Variants in TEX15 observed in about 807,000 individuals in gnomAD.
TEX15 encodes testis-expressed protein 15.
A neutral mutation model predicts 237.3 loss-of-function variants in TEX15; 171 were observed. The observed-to-expected ratio is 0.72, with a 90% CI of 0.64 to 0.82. TEX15 has a LOEUF of 0.82. TEX15 is among the 40% of genes least tolerant of loss of function. The pLI is 0.00. For missense variants in TEX15, 3,750 were observed against 3,646.5 expected (o/e 1.03, Z -0.73); for synonymous variants, 1,338 against 1,269.8 (o/e 1.05, Z -1.14).
In TEX15 at chr8:30,848,173, T is replaced by A. The variant is rs1413842062; in HGVS notation, c.1994A>T (p.Glu665Val). The change falls in exon 8 of 11, where the codon GAA becomes GTA. Residue 665 changes from glutamate to valine, a missense_variant. Glu to Val is a moderately radical substitution (Grantham distance 121, BLOSUM62 -2). Coordinates refer to ENST00000643185, the MANE Select transcript of TEX15 (RefSeq NM_001350162.2). The stretch of plus-strand genomic sequence containing the variant: ...ATTATGACTCTCACTCTCTTTGTAT[T>A]CTTGGTGCAAAACAATGTAATTATC... The part of the protein sequence containing the change: ...PIDNYIVLHQ[E>V]YKESESHNSF... The A allele has an allele frequency of 6.2e-7, 1 of 1,611,330 alleles. No individual in the cohort carries two copies. Among genetic ancestry groups the A allele is most frequent in the East Asian group, 2.2e-5 (1 of 44,842 alleles).
chr8:30,908,387 A>G (rs928189650), intron 1 of TEX15, among the ~76,000 whole-genome samples: 3 of 152,170 alleles, frequency 2.0e-5, no homozygotes, highest in Non-Finnish European at 4.4e-5. Context: ...TTGCTCTATT[A>G]TATTAATGGC....
chr8:30,842,304 A>T lies in TEX15; in HGVS notation c.7863T>A (p.His2621Gln). Residue 2621 changes from histidine (H) to glutamine (Q), a missense_variant, in exon 8 of 11, where the codon CAT becomes CAA. By Grantham distance (24) the His-to-Gln change is conservative. Transcript: ENST00000643185. The stretch of plus-strand genomic sequence containing the variant: ...CATTTTTAGTACATATCATCTTCAT[A>T]TGTTCAATCGTTTTCATGACTTTCC... ...HIRKVMKTIE[H>Q]MKMICTKNAE... The T allele has an allele frequency of 1.2e-6, 2 of 1,613,792 alleles. No individual in the cohort carries two copies. The highest frequency in any genetic ancestry group is 1.7e-6 in the Non-Finnish European group (2 of 1,179,856).
Position 30,842,000 on chromosome 8 carries a change from A to T in TEX15, c.8163+4T>A, listed in dbSNP as rs759400038. ...ATAAAAGTTTTGTTTTAAAACATACATACCTTTAGCTTTTTACAACTGGAA... is the reference window on the plus strand; with the variant it reads ...ATAAAAGTTTTGTTTTAAAACATACTTACCTTTAGCTTTTTACAACTGGAA... On this transcript the variant is annotated splice_donor_region_variant and intron_variant, in intron 8 of 10. Transcript: ENST00000643185. 1 of 1,560,236 alleles carries T rather than the reference A, an allele frequency of 6.4e-7. No individual in the cohort carries two copies. The highest frequency in any genetic ancestry group is 8.6e-7 in the Non-Finnish European group (1 of 1,157,920).
intron 4 of TEX15, among the ~76,000 whole-genome samples, chr8:30,871,950 A>G (rs905928997): frequency 2.0e-5 from 3 of 152,160 alleles, no homozygotes; most frequent in Non-Finnish European, 2.9e-5. Flanking sequence ...AATGCTAACA[A>G]TTGTCAGTAT....
chr8:30,855,819 A>T (rs1401041654), intron 7 of TEX15, among the ~76,000 whole-genome samples: 1 of 152,190 alleles, frequency 6.6e-6, no homozygotes, highest in Non-Finnish European at 1.5e-5. Flanking sequence ...AAGTGAAAGA[A>T]ATCAGGCGCA....
chr8:30,834,649 G>C (rs1171796246), intron 10 of TEX15, among the ~76,000 whole-genome samples: 1 of 152,196 alleles, frequency 6.6e-6, no homozygotes, highest in Non-Finnish European at 1.5e-5. Flanking sequence ...AGAAGTACGA[G>C]AGAGATTGTT....
In TEX15 at chr8:30,846,654, T is replaced by C. The variant is rs573231812; in HGVS notation, c.3513A>G (p.Thr1171=). 1.9e-6 allele frequency: 3 copies of C among 1,613,926 alleles called. No homozygotes were observed. The Admixed American group carries it at 5.0e-5, about 27-fold the overall frequency. ...TNIFRPGFSP[T]ADSLALKDSF... ...TATCTTTCAATGCAAGGGAGTCAGCTGTCGGGCTGAATCCTGGCCTAAATA... is the reference window on the plus strand; with the variant it reads ...TATCTTTCAATGCAAGGGAGTCAGCCGTCGGGCTGAATCCTGGCCTAAATA... Residue 1171 remains threonine (T), a synonymous_variant, in exon 8 of 11, where the codon ACA becomes ACG. Transcript: ENST00000643185.
chr8:30,870,206 C>T (rs1808263582), intron 4 of TEX15, among the ~76,000 whole-genome samples: 1 of 151,810 alleles, frequency 6.6e-6, no homozygotes, highest in Non-Finnish European at 1.5e-5. Flanking sequence ...GATGAGAAAA[C>T]TCATATAATA....
At chr8:30,911,910 C>T (rs953280271) in intron 1 of TEX15, among the ~76,000 whole-genome samples, 16 of 152,190 alleles carry the variant, frequency 1.1e-4, no homozygotes, top group African/African-American at 3.9e-4. Flanking sequence ...TCTTCCTGCA[C>T]CCGCACCACG....
Position 30,846,857 on chromosome 8 carries a change from C to T in TEX15, c.3310G>A (p.Gly1104Ser). ...KALKSRISWEGLLALDNGEME... is the reference protein window; with the variant it reads ...KALKSRISWESLLALDNGEME... Reference sequence around the variant, plus strand: ...TCCCCGTTATCAAGTGCTAACAGACCTTCCCAACTGATACGAGACTTCAGA... The same window carrying T: ...TCCCCGTTATCAAGTGCTAACAGACTTTCCCAACTGATACGAGACTTCAGA... Residue 1104 changes from glycine to serine, a missense_variant, in exon 8 of 11, where the codon GGT (glycine) becomes AGT (serine). By Grantham distance (56) the Gly-to-Ser change is moderately conservative. Coordinates refer to ENST00000643185, the MANE Select transcript of TEX15 (RefSeq NM_001350162.2). 1.2e-6 allele frequency: 2 copies of T among 1,613,840 alleles called. No homozygotes were observed. The highest frequency in any genetic ancestry group is 2.2e-5 in the East Asian group (1 of 44,878).
intron 7 of TEX15, among the ~76,000 whole-genome samples, chr8:30,852,825 T>C (rs1181642216): frequency 2.6e-5 from 4 of 152,250 alleles, no homozygotes; most frequent in Non-Finnish European, 5.9e-5. Flanking sequence ...ATTAGTACCA[T>C]ATATTCAGTG....
At position 30,912,932 on chromosome 8, in the gene TEX15, A is replaced by G. The variant is rs1386205695; in HGVS notation, c.-139T>C. 1 of 152,390 alleles carries G rather than the reference A, an allele frequency of 6.6e-6. No homozygotes were observed. The highest frequency in any genetic ancestry group is 1.5e-5 in the Non-Finnish European group (1 of 68,198). The allele number at this position is 152,390 out of a possible 1,614,324, so 9.4% of individuals were successfully genotyped here. On this transcript the variant is annotated 5_prime_UTR_variant, in exon 1 of 11. Transcript: ENST00000643185. ...TCCTCAGACTCAATCTTAGCACGGT[A>G]CAGACCTTCGCCCACTGCCTTCCCT...
At position 30,842,831 on chromosome 8, in the gene TEX15, T is replaced by C. The variant is rs748667286; in HGVS notation, c.7336A>G (p.Ile2446Val). ...ILKPEAIEMY[I>V]EIVMVSETIH... ...GTTTCTGAGACCATGACGATTTCAA[T>C]ATACATTTCAATAGCTTCAGGCTTT... Residue 2446 changes from isoleucine to valine, a missense_variant, in exon 8 of 11, where the codon ATT (isoleucine) becomes GTT (valine). Physicochemically the swap from Ile to Val is conservative, Grantham distance 29. Coordinates refer to ENST00000643185, the MANE Select transcript of TEX15 (RefSeq NM_001350162.2). 3.1e-6 allele frequency: 5 copies of C among 1,613,084 alleles called. No individual in the cohort carries two copies. In the South Asian group the frequency reaches 3.3e-5, roughly 11 times the overall value.
rs185786946 is a variant in TEX15, at chr8:30,835,111, T to C, written c.9481+1692A>G. Among the ~76,000 whole-genome samples, 1,439 of 151,826 alleles carry C rather than the reference T, an allele frequency of 9.5e-3. 24 individuals carry two copies. Among genetic ancestry groups the C allele is most frequent in the African/African-American group, 0.033 (1,361 of 41,262 alleles). Reference sequence around the variant, plus strand: ...CAGTAAGACCTCCTCTCTACTAATATATATATATTTTTTGGGACTGGGTCT... The same window carrying C: ...CAGTAAGACCTCCTCTCTACTAATACATATATATTTTTTGGGACTGGGTCT... On this transcript the variant is annotated intron_variant, in intron 10 of 10. Transcript: ENST00000643185.
intron 1 of TEX15, among the ~76,000 whole-genome samples, chr8:30,909,485 T>G (rs988466882): frequency 2.0e-5 from 3 of 150,146 alleles, no homozygotes; most frequent in Non-Finnish European, 4.4e-5. Context: ...TTATGTGGAT[T>G]GCACATTCCA....
rs904852961 is a variant in TEX15, at chr8:30,848,160, A to G, written c.2007T>C (p.Ser669=). ...YIVLHQEYKE[S]ESHNSFGKSC... ...TTTTCCCAAAAGAATTATGACTCTC[A>G]CTCTCTTTGTATTCTTGGTGCAAAA... Residue 669 remains serine (S), a synonymous_variant, in exon 8 of 11, where the codon AGT becomes AGC. Transcript: ENST00000643185. 1 of 1,609,732 alleles carries G rather than the reference A, an allele frequency of 6.2e-7. No homozygotes were observed. Among genetic ancestry groups the G allele is most frequent in the African/African-American group, 1.3e-5 (1 of 74,518 alleles).
In TEX15 at chr8:30,848,864, T is replaced by C; in HGVS notation, c.1303A>G (p.Arg435Gly). The change falls in exon 8 of 11, where the codon AGA (arginine) becomes GGA (glycine). Residue 435 changes from arginine to glycine, a missense_variant. Transcript: ENST00000643185. ...VTTSKSIKDP[R>G]LMRREESMGE... is the part of the protein sequence containing the mutation. ...ATACTTTCTTCTCTCCTCATCAGTC[T>C]TGGGTCTTTGATGGATTTTGAAGTA... The C allele has an allele frequency of 6.2e-7, 1 of 1,614,180 alleles. No individual in the cohort carries two copies. The highest frequency in any genetic ancestry group is 1.1e-5 in the South Asian group (1 of 91,080).
Position 30,837,574 on chromosome 8 carries a change from C to G in TEX15, c.8710G>C (p.Asp2904His). 6.2e-7 allele frequency: 1 copy of G among 1,614,066 alleles called. No homozygotes were observed. The highest frequency in any genetic ancestry group is 8.5e-7 in the Non-Finnish European group (1 of 1,179,978). ...TTCATTTCTAGATCAGGATGGACAT[C>G]TTTCACAAAACAGAAAATTGGCTTT... is the stretch of plus-strand genomic sequence containing the variant. ...LSKPIFCFVKDVHPDLEMNDT... is the reference protein window; with the variant it reads ...LSKPIFCFVKHVHPDLEMNDT... Residue 2904 changes from aspartate (D) to histidine (H), a missense_variant, in exon 10 of 11, where the codon GAT (aspartate) becomes CAT (histidine). Asp to His is a moderately conservative substitution (Grantham distance 81, BLOSUM62 -1). Coordinates refer to ENST00000643185, the MANE Select transcript of TEX15 (RefSeq NM_001350162.2).
At chr8:30,904,628 G>A (rs1809063304) in intron 1 of TEX15, among the ~76,000 whole-genome samples, 1 of 152,084 alleles carries the variant, frequency 6.6e-6, no homozygotes, top group Non-Finnish European at 1.5e-5. Flanking sequence ...CCCCCTGTGA[G>A]TTGTTTTCCG....
Sources: allele counts gnomAD v4.1 joint callset (sites outside exome capture counted in the v4.1 genomes callset), GRCh38; gene constraint gnomAD v4.1.1; transcripts MANE v1.5; gene names NCBI Gene and HGNC (gene_info 2026-07-23, HGNC 2026-07-21).